TCF15: variants seen among roughly 807,000 people sequenced by gnomAD.
The protein encoded by TCF15 is transcription factor 15.
A neutral mutation model predicts 11.1 loss-of-function variants in TCF15; 7 were observed. The ratio of observed to expected loss-of-function variants is 0.63; its 90% CI spans 0.36 to 1.19. The LOEUF (loss-of-function observed/expected upper bound fraction) is 1.19. Ranked by LOEUF, TCF15 falls within the 50% of genes most tolerant of loss-of-function variation. The pLI is 0.02. For missense variants in TCF15, 288 were observed against 289.4 expected, an observed-to-expected ratio of 1.00 and a Z score of 0.03; for synonymous variants, 144 against 138.9, an observed-to-expected ratio of 1.04 and a Z score of -0.26.
Position 609,659 on chromosome 20 carries a change from TG to T in TCF15, c.525+53del. 7.6e-7 allele frequency: 1 copy of T among 1,323,452 alleles called. No individual in the cohort carries two copies. Among genetic ancestry groups the T allele is most frequent in the Non-Finnish European group, 9.6e-7 (1 of 1,044,308 alleles). The allele number at this position is 1,323,452 out of a possible 1,614,324, so 82.0% of individuals were successfully genotyped here. On this transcript the variant is annotated intron_variant, in intron 1 of 1. Coordinates refer to ENST00000246080, the MANE Select transcript of TCF15 (RefSeq NM_004609.4). The surrounding 1 kb of genome is among the most constrained non-coding windows in gnomAD (Gnocchi z 4.7). ...ACCTCTCCGGTTCCCGCAGAGGCGC[TG>T]CCCCCCGCCTACCCCGACCTGGCGG...
At position 609,219 on chromosome 20, in the gene TCF15, AAGCCCAGG is replaced by A. The variant is rs1189295736; in HGVS notation, c.525+486_525+493del. The stretch of plus-strand genomic sequence containing the variant: ...AAGGTGGGGGCAACACACACCGGGC[AAGCCCAGG>A]GCCAGCGCCCCGGCTTCCCAGCTGA... On this transcript the variant is annotated intron_variant, in intron 1 of 1. Transcript: ENST00000246080. The surrounding 1 kb of genome is among the most constrained non-coding windows in gnomAD (Gnocchi z 4.7). Among the ~76,000 whole-genome samples, 2,361 of 152,294 alleles carry A rather than the reference AAGCCCAGG, an allele frequency of 0.016. 58 individuals are homozygous for A. Among genetic ancestry groups the A allele is most frequent in the African/African-American group, 0.054 (2,229 of 41,558 alleles).
Position 609,491 on chromosome 20 carries a change from A to C in TCF15, c.525+222T>G, listed in dbSNP as rs2020003643. On this transcript the variant is annotated intron_variant, in intron 1 of 1. Coordinates refer to ENST00000246080, the MANE Select transcript of TCF15 (RefSeq NM_004609.4). This position sits in a 1 kb window ranked among gnomAD's most constrained non-coding sequence, Gnocchi z 4.7. ...TTGGAGGGGATATCCCACACTGAGC[A>C]GTTAAATCAGACCCGAACTCTGGGT... is the stretch of plus-strand genomic sequence containing the variant. Among the ~76,000 whole-genome samples, 1 of 152,192 alleles carries C rather than the reference A, an allele frequency of 6.6e-6. No individual in the cohort carries two copies. The highest frequency in any genetic ancestry group is 1.5e-5 in the Non-Finnish European group (1 of 68,034).
Position 609,576 on chromosome 20 carries a change from T to C in TCF15, c.525+137A>G, listed in dbSNP as rs1568617433. ...TAAGTCAGTGGTTCTGGGCTTGGGG[T>C]GCCGCACCCAGCACGAATTCCACGT... On this transcript the variant is annotated intron_variant, in intron 1 of 1. Coordinates refer to ENST00000246080, the MANE Select transcript of TCF15 (RefSeq NM_004609.4). The surrounding 1 kb of genome is among the most constrained non-coding windows in gnomAD (Gnocchi z 4.7). 4.8e-6 allele frequency: 5 copies of C among 1,044,294 alleles called. No individual in the cohort carries two copies. The highest frequency in any genetic ancestry group is 5.0e-6 in the Non-Finnish European group (4 of 804,172). The allele number at this position is 1,044,294 out of a possible 1,614,324, so 64.7% of individuals were successfully genotyped here.
At position 610,183 on chromosome 20, in the gene TCF15, G is replaced by A. The variant is rs1450064263; in HGVS notation, c.55C>T (p.Arg19Trp). 2.8e-6 allele frequency: 3 copies of A among 1,053,716 alleles called. No homozygotes were observed. The highest frequency in any genetic ancestry group is 2.8e-5 in the South Asian group (1 of 35,232). 65.3% of individuals were successfully genotyped at this position (1,053,716 alleles called of 1,614,324 possible). Reference sequence around the variant, plus strand: ...TTCTCCTCGTCCTCGCTCAGCAGCCGCACGTCCGGGTACAGCACGTGCGCG... The same window carrying A: ...TTCTCCTCGTCCTCGCTCAGCAGCCACACGTCCGGGTACAGCACGTGCGCG... ...VGAHVLYPDV[R>W]LLSEDEENRS... Residue 19 changes from arginine (R) to tryptophan (W), a missense_variant, in exon 1 of 2, where the codon CGG (arginine) becomes TGG (tryptophan). Transcript: ENST00000246080.
Position 609,726 on chromosome 20 carries a change from T to C in TCF15, c.512A>G (p.Asn171Ser). Residue 171 changes from asparagine to serine, a missense_variant, in exon 1 of 2, where the codon AAC (asparagine) becomes AGC (serine). Asn to Ser is a conservative substitution (Grantham distance 46, BLOSUM62 1). Coordinates refer to ENST00000246080, the MANE Select transcript of TCF15 (RefSeq NM_004609.4). The surrounding 1 kb of genome is among the most constrained non-coding windows in gnomAD (Gnocchi z 4.7). ...PRSICTFCLSNQRKGGGRRDL... is the reference protein window; with the variant it reads ...PRSICTFCLSSQRKGGGRRDL... ...CAGCACACTCACCCCCTTGCGCTGGTTGCTGAGGCAGAAGGTGCAGATGGA... is the reference window on the plus strand; with the variant it reads ...CAGCACACTCACCCCCTTGCGCTGGCTGCTGAGGCAGAAGGTGCAGATGGA... 2.2e-6 allele frequency: 3 copies of C among 1,390,482 alleles called. No homozygotes were observed. Among genetic ancestry groups the C allele is most frequent in the Admixed American group, 3.8e-5 (1 of 26,642 alleles). The allele number at this position is 1,390,482 out of a possible 1,614,324, so 86.1% of individuals were successfully genotyped here.
At chr20:607,487 T>C (rs975347014) in intron 1 of TCF15, among the ~76,000 whole-genome samples, 1 of 152,212 alleles carries the variant, frequency 6.6e-6, no homozygotes, top group Non-Finnish European at 1.5e-5. Context: ...GCCAGCCAGT[T>C]TTCTTCCAGC....
Position 609,918 on chromosome 20 carries a change from T to A in TCF15, c.320A>T (p.Lys107Met). ...TLIPTEPVDR[K>M]LSKIETVRLA... ...GCGCACGGTCTCGATCTTGGACAGC[T>A]TGCGGTCCACCGGCTCGGTGGGGAT... Residue 107 changes from lysine to methionine, a missense_variant, in exon 1 of 2, where the codon AAG becomes ATG. Physicochemically the swap from Lys to Met is moderately conservative, Grantham distance 95. Coordinates refer to ENST00000246080, the MANE Select transcript of TCF15 (RefSeq NM_004609.4). This position sits in a 1 kb window ranked among gnomAD's most constrained non-coding sequence, Gnocchi z 4.7. The A allele has an allele frequency of 6.6e-7, 1 of 1,523,354 alleles. No homozygotes were observed. Among genetic ancestry groups the A allele is most frequent in the East Asian group, 2.7e-5 (1 of 36,924 alleles). The allele number at this position is 1,523,354 out of a possible 1,614,324, so 94.4% of individuals were successfully genotyped here. A position where few individuals can be genotyped will look rare whatever the true frequency, so the allele number is the denominator to read the frequency against.
rs1386155557 is a variant in TCF15 at position 609,603 on chromosome 20, G to C, written c.525+110C>G. ...CCGCACCCAGCACGAATTCCACGTC[G>C]CTTCCCCCTGGCCTCGTTGGGGACC... On this transcript the variant is annotated intron_variant, in intron 1 of 1. Transcript: ENST00000246080. This position sits in a 1 kb window ranked among gnomAD's most constrained non-coding sequence, Gnocchi z 4.7. The C allele has an allele frequency of 1.5e-5, 18 of 1,228,412 alleles. No homozygotes were observed. The highest frequency in any genetic ancestry group is 1.9e-5 in the Non-Finnish European group (18 of 971,200). 76.1% of individuals were successfully genotyped at this position (1,228,412 alleles called of 1,614,324 possible). A position where few individuals can be genotyped will look rare whatever the true frequency, so the allele number is the denominator to read the frequency against.
Position 610,293 on chromosome 20 carries a change from G to T in TCF15, c.-56C>A. Reference sequence around the variant, plus strand: ...GTCCCAGCGTCGGCCGCGCCCCGCCGTGCGCTCCCGCGCGCTCCCACGGCC... The same window carrying T: ...GTCCCAGCGTCGGCCGCGCCCCGCCTTGCGCTCCCGCGCGCTCCCACGGCC... On this transcript the variant is annotated 5_prime_UTR_variant, in exon 1 of 2. Transcript: ENST00000246080. 12 of 985,478 alleles carry T rather than the reference G, an allele frequency of 1.2e-5. No individual in the cohort carries two copies. Among genetic ancestry groups the T allele is most frequent in the Non-Finnish European group, 1.4e-5 (12 of 830,282 alleles). 61.0% of individuals were successfully genotyped at this position (985,478 alleles called of 1,614,324 possible).
chr20:606,969 A>G (rs1332099772), intron 1 of TCF15, among the ~76,000 whole-genome samples: 1 of 152,206 alleles, frequency 6.6e-6, no homozygotes, highest in Non-Finnish European at 1.5e-5. Context: ...AGGGCCAACT[A>G]CTGGACCTCA....
At position 609,837 on chromosome 20, in the gene TCF15, G is replaced by A. The variant is rs1296192895; in HGVS notation, c.401C>T (p.Ala134Val). 2 of 1,522,950 alleles carry A rather than the reference G, an allele frequency of 1.3e-6. No homozygotes were observed. Among genetic ancestry groups the A allele is most frequent in the East Asian group, 2.7e-5 (1 of 36,794 alleles). The allele number at this position is 1,522,950 out of a possible 1,614,324, so 94.3% of individuals were successfully genotyped here. Residue 134 changes from alanine to valine, a missense_variant, in exon 1 of 2, where the codon GCC becomes GTC. Transcript: ENST00000246080. This position sits in a 1 kb window ranked among gnomAD's most constrained non-coding sequence, Gnocchi z 4.7. Reference sequence around the variant, plus strand: ...ACGGAAGCACGGCTGCCCGTCGTCGGCCGAGTCGCCCAGCAGCAGCACGTT... The same window carrying A: ...ACGGAAGCACGGCTGCCCGTCGTCGACCGAGTCGCCCAGCAGCAGCACGTT... ...LANVLLLGDS[A>V]DDGQPCFRAA...
intron 1 of TCF15, among the ~76,000 whole-genome samples, chr20:605,398 G>A (rs1170553125): frequency 6.6e-6 from 1 of 152,160 alleles, no homozygotes; most frequent in Non-Finnish European, 1.5e-5. Context: ...CCAGGAATGT[G>A]CTCTCAGGTC....
intron 1 of TCF15, among the ~76,000 whole-genome samples, chr20:608,473 C>G (rs905536477): frequency 3.9e-5 from 6 of 152,220 alleles, no homozygotes; most frequent in African/African-American, 1.4e-4. Flanking sequence ...GGGGCACTGA[C>G]AGGGGCCCAC....
chr20:606,698 A>G (rs956862988), intron 1 of TCF15, among the ~76,000 whole-genome samples: 1 of 151,968 alleles, frequency 6.6e-6, no homozygotes, highest in Non-Finnish European at 1.5e-5. Flanking sequence ...GGCACCTGTA[A>G]TCCCAGCTAC....
Position 609,762 on chromosome 20 carries a change from C to A in TCF15, c.476G>T (p.Arg159Leu). 1 of 1,402,414 alleles carries A rather than the reference C, an allele frequency of 7.1e-7. No homozygotes were observed. Among genetic ancestry groups the A allele is most frequent in the Non-Finnish European group, 9.2e-7 (1 of 1,090,736 alleles). The allele number at this position is 1,402,414 out of a possible 1,614,324, so 86.9% of individuals were successfully genotyped here. A position where few individuals can be genotyped will look rare whatever the true frequency, so the allele number is the denominator to read the frequency against. ...GAVPAAADGG[R>L]QPRSICTFCL... ...GAAGGTGCAGATGGAGCGCGGCTGG[C>A]GGCCGCCGTCGGCGGCGGCGGGGAC... Residue 159 changes from arginine to leucine, a missense_variant, in exon 1 of 2, where the codon CGC becomes CTC. By Grantham distance (102) the Arg-to-Leu change is moderately radical (BLOSUM62 -2). Coordinates refer to ENST00000246080, the MANE Select transcript of TCF15 (RefSeq NM_004609.4). The surrounding 1 kb of genome is among the most constrained non-coding windows in gnomAD (Gnocchi z 4.7).
Position 609,829 on chromosome 20 carries a change from C to T in TCF15, c.409G>A (p.Gly137Arg), listed in dbSNP as rs1431100592. 1 of 1,517,464 alleles carries T rather than the reference C, an allele frequency of 6.6e-7. No homozygotes were observed. The allele number at this position is 1,517,464 out of a possible 1,614,324, so 94.0% of individuals were successfully genotyped here. A position where few individuals can be genotyped will look rare whatever the true frequency, so the allele number is the denominator to read the frequency against. ...VLLLGDSADDGQPCFRAAGSA... is the reference protein window; with the variant it reads ...VLLLGDSADDRQPCFRAAGSA... ...CCCGCGGCACGGAAGCACGGCTGCC[C>T]GTCGTCGGCCGAGTCGCCCAGCAGC... The change falls in exon 1 of 2, where the codon GGG becomes AGG. Residue 137 changes from glycine to arginine, a missense_variant. Transcript: ENST00000246080. This position sits in a 1 kb window ranked among gnomAD's most constrained non-coding sequence, Gnocchi z 4.7.
At chr20:605,163 G>A (rs1038752751) in intron 1 of TCF15, among the ~76,000 whole-genome samples, 1 of 152,090 alleles carries the variant, frequency 6.6e-6, no homozygotes. Context: ...GCTAATTTTT[G>A]TATTCACGCT....
In TCF15 at chr20:604,437, G is replaced by C. The variant is rs1323090842; in HGVS notation, c.*154C>G. 5 of 699,776 alleles carry C rather than the reference G, an allele frequency of 7.1e-6. No individual in the cohort carries two copies. In the East Asian group the frequency reaches 1.1e-4, roughly 15 times the overall value. 43.3% of individuals were successfully genotyped at this position (699,776 alleles called of 1,614,324 possible). On this transcript the variant is annotated 3_prime_UTR_variant, in exon 2 of 2. Coordinates refer to ENST00000246080, the MANE Select transcript of TCF15 (RefSeq NM_004609.4). The surrounding 1 kb of genome is among the most constrained non-coding windows in gnomAD (Gnocchi z 4.2). ...TGGATCCTCACAGCTCTCCAGGATC[G>C]GGTGGAGATGTCCCGAGGGCCCTGC... is the stretch of plus-strand genomic sequence containing the variant.
Position 609,575 on chromosome 20 carries a change from G to T in TCF15, c.525+138C>A. 1 of 1,041,228 alleles carries T rather than the reference G, an allele frequency of 9.6e-7. No individual in the cohort carries two copies. The highest frequency in any genetic ancestry group is 1.2e-6 in the Non-Finnish European group (1 of 801,208). The allele number at this position is 1,041,228 out of a possible 1,614,324, so 64.5% of individuals were successfully genotyped here. ...TTAAGTCAGTGGTTCTGGGCTTGGG[G>T]TGCCGCACCCAGCACGAATTCCACG... On this transcript the variant is annotated intron_variant, in intron 1 of 1. Coordinates refer to ENST00000246080, the MANE Select transcript of TCF15 (RefSeq NM_004609.4). This position sits in a 1 kb window ranked among gnomAD's most constrained non-coding sequence, Gnocchi z 4.7.
Sources: gnomAD v4.1 joint callset for allele counts (sites outside exome capture counted in the v4.1 genomes callset) on GRCh38, gnomAD v4.1.1 for gene constraint, Gnocchi (gnomAD v3.1) non-coding constraint, MANE v1.5 for transcripts, NCBI Gene and HGNC (gene_info 2026-07-23, HGNC 2026-07-21) for gene names.